Variants in TMTC1 observed in about 807,000 individuals in gnomAD.
TMTC1 encodes transmembrane O-mannosyltransferase targeting cadherins 1.
A neutral mutation model predicts 104.8 loss-of-function variants in TMTC1; 73 were observed. That is an observed-to-expected ratio of 0.70 (90% confidence interval 0.58 to 0.85). TMTC1 has a LOEUF of 0.85. TMTC1 is among the 40% of genes least tolerant of loss of function. TMTC1 has a pLI of 0.00. For missense variants in TMTC1, 1,035 were observed against 1,096.1 expected (o/e 0.94, Z 0.79); for synonymous variants, 434 against 428.7 (o/e 1.01, Z -0.15).
intron 7 of TMTC1, among the ~76,000 whole-genome samples, chr12:29,588,789 C>T (rs1004252091): frequency 1.4e-4 from 22 of 152,140 alleles, no homozygotes; most frequent in African/African-American, 4.6e-4. Context: ...GAATGTGCCA[C>T]GCCGATACAT....
chr12:29,782,990 C>T (rs1415744934), intron 1 of TMTC1: 1 of 155,344 alleles, frequency 6.4e-6, no homozygotes, highest in Non-Finnish European at 1.4e-5. Context: ...GAACGAAACC[C>T]TTAAGGGGCT....
intron 7 of TMTC1, among the ~76,000 whole-genome samples, chr12:29,594,753 T>C (rs1946365071): frequency 6.6e-6 from 1 of 152,180 alleles, no homozygotes; most frequent in Non-Finnish European, 1.5e-5. Flanking sequence ...GTGTGTAGCA[T>C]CTGCAATTGA....
At chr12:29,549,147 C>G (rs1055239424) in intron 10 of TMTC1, among the ~76,000 whole-genome samples, 1 of 150,618 alleles carries the variant, frequency 6.6e-6, no homozygotes, top group Non-Finnish European at 1.5e-5. Context: ...TGTAAACAAA[C>G]AAGTATCCAC....
At chr12:29,669,488 G>A (rs1940421595) in intron 5 of TMTC1, among the ~76,000 whole-genome samples, 1 of 152,124 alleles carries the variant, frequency 6.6e-6, no homozygotes, top group Non-Finnish European at 1.5e-5. Context: ...AGAACAAGAG[G>A]TCCAGCAGCC....
intron 5 of TMTC1, among the ~76,000 whole-genome samples, chr12:29,684,002 C>A (rs902885689): frequency 6.6e-6 from 1 of 152,078 alleles, no homozygotes; most frequent in African/African-American, 2.4e-5. Context: ...TGCCACCATG[C>A]CCAGCTAATG....
chr12:29,615,321 G>T (rs1946949018), intron 6 of TMTC1, among the ~76,000 whole-genome samples: 2 of 152,182 alleles, frequency 1.3e-5, no homozygotes, highest in African/African-American at 4.8e-5. Flanking sequence ...TTCCATGAAA[G>T]GTTCCCGCTG....
In TMTC1 at chr12:29,501,936, C is replaced by T. The variant is rs1943603550; in HGVS notation, c.*4910G>A. The T allele has an allele frequency of 6.6e-6, 1 of 152,230 alleles. No homozygotes were observed. The highest frequency in any genetic ancestry group is 2.4e-5 in the African/African-American group (1 of 41,550). 9.4% of individuals were successfully genotyped at this position (152,230 alleles called of 1,614,324 possible). ...TTTCTGTTCTCTTTAAATTACATGG[C>T]TACAAATAAAATATTGAGGGAAATA... On this transcript the variant is annotated 3_prime_UTR_variant, in exon 18 of 18. Transcript: ENST00000539277.
chr12:29,589,728 C>T (rs1025118715), intron 7 of TMTC1, among the ~76,000 whole-genome samples: 2 of 152,184 alleles, frequency 1.3e-5, no homozygotes, highest in Admixed American at 1.3e-4. Flanking sequence ...CATTTAGCTG[C>T]AATATATGTT....
In TMTC1 at chr12:29,663,316, A is replaced by C. The variant is rs148050081; in HGVS notation, c.939-29980T>G. Among the ~76,000 whole-genome samples the C allele has an allele frequency of 3.6e-3, 541 of 152,258 alleles. 4 individuals carry two copies. The highest frequency in any genetic ancestry group is 0.013 in the African/African-American group (523 of 41,540). On this transcript the variant is annotated intron_variant, in intron 5 of 17. Coordinates refer to ENST00000539277, the MANE Select transcript of TMTC1 (RefSeq NM_001193451.2). ...AAAGGCAAAGAGAATGACACAGTGGAAATGGAAAAGGTGCTGGGGAGGGCT... is the reference window on the plus strand; with the variant it reads ...AAAGGCAAAGAGAATGACACAGTGGCAATGGAAAAGGTGCTGGGGAGGGCT...
intron 5 of TMTC1, among the ~76,000 whole-genome samples, chr12:29,638,138 G>A (rs1938649383): frequency 6.6e-6 from 1 of 152,108 alleles, no homozygotes; most frequent in South Asian, 2.1e-4. Flanking sequence ...GGACCTAAGT[G>A]AGAACAGGCA....
intron 5 of TMTC1, among the ~76,000 whole-genome samples, chr12:29,649,527 G>A (rs910694162): frequency 2.0e-5 from 3 of 152,188 alleles, no homozygotes; most frequent in South Asian, 2.1e-4. Context: ...CCTGGCTTAC[G>A]CCCTCACCAC....
At position 29,755,897 on chromosome 12, in the gene TMTC1, G is replaced by C. The variant is rs1943205314; in HGVS notation, c.555-12C>G. The C allele has an allele frequency of 4.3e-6, 7 of 1,611,678 alleles. No individual in the cohort carries two copies. The Admixed American group carries it at 8.4e-5, about 19-fold the overall frequency. On this transcript the variant is annotated splice_polypyrimidine_tract_variant and intron_variant, in intron 3 of 17. Coordinates refer to ENST00000539277, the MANE Select transcript of TMTC1 (RefSeq NM_001193451.2). ...CCTGATCCAGACTCCTGAAAAACAA[G>C]TTGGAGATTCTTTTAATCTAAGAAA...
chr12:29,586,341 A>C (rs1946133148), intron 7 of TMTC1, among the ~76,000 whole-genome samples: 1 of 152,160 alleles, frequency 6.6e-6, no homozygotes, highest in Non-Finnish European at 1.5e-5. Flanking sequence ...TTGGGCTGAG[A>C]TGATGGGGTT....
intron 5 of TMTC1, among the ~76,000 whole-genome samples, chr12:29,692,063 T>C (rs774559330): frequency 4.8e-5 from 7 of 145,606 alleles, no homozygotes; most frequent in Non-Finnish European, 7.5e-5. Flanking sequence ...TCAGTAGACA[T>C]TGTCATTACT....
At chr12:29,659,704 G>A (rs751238634) in intron 5 of TMTC1, among the ~76,000 whole-genome samples, 10 of 151,884 alleles carry the variant, frequency 6.6e-5, no homozygotes, top group Non-Finnish European at 1.3e-4. Context: ...TGAAACAATA[G>A]CAATAATACT....
In TMTC1 at chr12:29,718,761, G is replaced by A. The variant is rs184946950; in HGVS notation, c.938+32905C>T. Among the ~76,000 whole-genome samples, 116 of 152,016 alleles carry A rather than the reference G, an allele frequency of 7.6e-4. 2 individuals are homozygous for A. The highest frequency in any genetic ancestry group is 4.7e-3 in the East Asian group (24 of 5,158). Reference sequence around the variant, plus strand: ...ATCCTGGCTAACACGGTGAAACCCCGTCTCTACTAAAAATACAAAAAATTA... The same window carrying A: ...ATCCTGGCTAACACGGTGAAACCCCATCTCTACTAAAAATACAAAAAATTA... On this transcript the variant is annotated intron_variant, in intron 5 of 17. Transcript: ENST00000539277.
chr12:29,751,532 G>A (rs949664284), intron 5 of TMTC1, 134 bp downstream of exon 5: 16 of 871,344 alleles, frequency 1.8e-5, no homozygotes, highest in Non-Finnish European at 2.5e-5. Context: ...GAAGAAGGGG[G>A]TAAGGAGGGA....
intron 6 of TMTC1, among the ~76,000 whole-genome samples, chr12:29,611,253 C>T (rs1208431264): frequency 6.6e-6 from 1 of 150,786 alleles, no homozygotes; most frequent in Non-Finnish European, 1.5e-5. Flanking sequence ...CTTGCAAACA[C>T]CAGTTCCTGA....
intron 5 of TMTC1, among the ~76,000 whole-genome samples, chr12:29,655,962 C>T (rs562319790): frequency 4.6e-5 from 7 of 152,016 alleles, no homozygotes; most frequent in Non-Finnish European, 8.8e-5. Flanking sequence ...CTGAAAGATG[C>T]GCAAAGTTCC....
Sources: gnomAD v4.1 joint callset for allele counts (sites outside exome capture counted in the v4.1 genomes callset) on GRCh38, gnomAD v4.1.1 for gene constraint, MANE v1.5 for transcripts, NCBI Gene and HGNC (gene_info 2026-07-23, HGNC 2026-07-21) for gene names.